Variants in RASAL2 observed in about 807,000 individuals in gnomAD.
RASAL2 encodes RAS protein activator like 2, also known as ras GTPase-activating protein nGAP.
In RASAL2, 58 loss-of-function variants were observed where a neutral mutation model predicts 128.9. The observed-to-expected ratio is 0.45, with a 90% CI of 0.36 to 0.56. RASAL2 has a LOEUF of 0.56. Ranked by LOEUF, RASAL2 falls within the 20% of genes least tolerant of loss-of-function variation. The pLI is 0.00. For synonymous variants in RASAL2, 561 were observed against 580.8 expected, an observed-to-expected ratio of 0.97 and a Z score of 0.49; for missense variants, 1,360 against 1,601.6, an observed-to-expected ratio of 0.85 and a Z score of 2.57.
At position 178,148,112 on chromosome 1, in the gene RASAL2, T is replaced by C. The variant is rs1571545772; in HGVS notation, c.202+53418T>C. Among the ~76,000 whole-genome samples, 4 of 151,668 alleles carry C rather than the reference T, an allele frequency of 2.6e-5. No homozygotes were observed. The East Asian group carries it at 7.7e-4, about 29-fold the overall frequency. Reference sequence around the variant, plus strand: ...TTAAAAAAATAAAATGATTGAGTGATTGAGTTGTTAGGTGACTATAAGCAT... The same window carrying C: ...TTAAAAAAATAAAATGATTGAGTGACTGAGTTGTTAGGTGACTATAAGCAT... On this transcript the variant is annotated intron_variant, in intron 1 of 17. Coordinates refer to ENST00000367649, the MANE Select transcript of RASAL2 (RefSeq NM_170692.4).
At chr1:178,225,359 C>T (rs1663749901) in intron 1 of RASAL2, among the ~76,000 whole-genome samples, 1 of 151,726 alleles carries the variant, frequency 6.6e-6, no homozygotes. Context: ...AAAATAACAA[C>T]ACATTTTTTC....
At chr1:178,426,025 AC>A (rs1352255654) in intron 5 of RASAL2, among the ~76,000 whole-genome samples, 3 of 152,286 alleles carry the variant, frequency 2.0e-5, no homozygotes, top group Middle Eastern at 3.4e-3. Flanking sequence ...AGCCAGACTT[AC>A]CCCTGTCACA....
intron 3 of RASAL2, among the ~76,000 whole-genome samples, chr1:178,322,255 T>C (rs902058854): frequency 6.6e-6 from 1 of 152,200 alleles, no homozygotes; most frequent in African/African-American, 2.4e-5. Flanking sequence ...GCTTATGTCC[T>C]GCCTCACCGT....
At chr1:178,417,332 T>A (rs1289253674) in intron 4 of RASAL2, among the ~76,000 whole-genome samples, 1 of 152,178 alleles carries the variant, frequency 6.6e-6, no homozygotes, top group Non-Finnish European at 1.5e-5. Context: ...CTGTATTAAA[T>A]GGCAAGTTCC....
chr1:178,311,754 A>G (rs1217362367), intron 3 of RASAL2, among the ~76,000 whole-genome samples: 1 of 152,102 alleles, frequency 6.6e-6, no homozygotes, highest in East Asian at 1.9e-4. Flanking sequence ...AAGATCTAAG[A>G]ATACCAACTT....
chr1:178,176,428 A>G (rs316276), intron 1 of RASAL2, among the ~76,000 whole-genome samples: 140,121 of 151,246 alleles, frequency 0.93, 65,290 homozygotes, highest in Non-Finnish European at 0.98. Context: ...TTGCTGATTC[A>G]AGTTGTTTGT....
chr1:178,439,602 A>G lies in RASAL2; in HGVS notation c.828+27A>G, dbSNP rs754318249. The G allele has an allele frequency of 2.6e-5, 41 of 1,603,126 alleles. 1 individual carries two copies. In the Admixed American group the frequency reaches 6.5e-4, roughly 25 times the overall value. On this transcript the variant is annotated intron_variant, in intron 6 of 17. Coordinates refer to ENST00000367649, the MANE Select transcript of RASAL2 (RefSeq NM_170692.4). ...TAAAAATAAAGTGTAGAAAAAAGGA[A>G]GAGTAGTTAAACAACAATTGGATTT...
intron 5 of RASAL2, among the ~76,000 whole-genome samples, chr1:178,437,795 T>C (rs1178874133): frequency 6.6e-6 from 1 of 152,140 alleles, no homozygotes. Context: ...TTATAGTTGA[T>C]GTACTATATT....
chr1:178,261,511 G>C (rs893733597), intron 1 of RASAL2, among the ~76,000 whole-genome samples: 1 of 152,068 alleles, frequency 6.6e-6, no homozygotes, highest in Admixed American at 6.6e-5. Flanking sequence ...ATTTTTATAT[G>C]TGAGTTCAAG....
At chr1:178,201,592 A>G (rs149614061) in intron 1 of RASAL2, among the ~76,000 whole-genome samples, 1 of 152,326 alleles carries the variant, frequency 6.6e-6, no homozygotes, top group African/African-American at 2.4e-5. Context: ...CAGTGGGAAT[A>G]ATTGGATTCC....
chr1:178,222,524 TAAG>T (rs1663648253), intron 1 of RASAL2, among the ~76,000 whole-genome samples: 1 of 152,138 alleles, frequency 6.6e-6, no homozygotes, highest in Admixed American at 6.6e-5. Flanking sequence ...TATCTTATAA[TAAG>T]AAAATATTCC....
intron 1 of RASAL2, among the ~76,000 whole-genome samples, chr1:178,240,606 A>G (rs1402929248): frequency 6.6e-6 from 1 of 152,008 alleles, no homozygotes; most frequent in African/African-American, 2.4e-5. Flanking sequence ...AATAATGTAT[A>G]CATGTGTTGC....
chr1:178,248,202 C>CT (rs1361315447), intron 1 of RASAL2, among the ~76,000 whole-genome samples: 4 of 152,174 alleles, frequency 2.6e-5, no homozygotes, highest in Non-Finnish European at 5.9e-5. Context: ...GTGTGGGAGT[C>CT]TAAGTCTCTT....
intron 3 of RASAL2, among the ~76,000 whole-genome samples, chr1:178,359,992 G>A (rs1671022822): frequency 6.6e-6 from 1 of 152,062 alleles, no homozygotes; most frequent in Non-Finnish European, 1.5e-5. Flanking sequence ...GGGTGTAAGG[G>A]GTGAAGAGTG....
At chr1:178,263,846 A>G (rs1174984019) in intron 1 of RASAL2, among the ~76,000 whole-genome samples, 2 of 152,270 alleles carry the variant, frequency 1.3e-5, no homozygotes, top group Admixed American at 6.5e-5. Context: ...ATATGCCACC[A>G]TGCTGGGCCT....
At chr1:178,142,172 T>G (rs1017598110) in intron 1 of RASAL2, among the ~76,000 whole-genome samples, 1 of 152,096 alleles carries the variant, frequency 6.6e-6, no homozygotes, top group Non-Finnish European at 1.5e-5. Context: ...GTCGCCTGGA[T>G]TTTTGGGTTC....
chr1:178,351,296 A>G (rs1670464910), intron 3 of RASAL2, among the ~76,000 whole-genome samples: 2 of 152,318 alleles, frequency 1.3e-5, no homozygotes, highest in Non-Finnish European at 2.9e-5. Context: ...TCACATTTCA[A>G]AATACAGTCA....
chr1:178,294,374 A>G (rs1322144525), intron 2 of RASAL2, among the ~76,000 whole-genome samples: 2 of 152,184 alleles, frequency 1.3e-5, no homozygotes, highest in Non-Finnish European at 2.9e-5. Context: ...AGGGCTTTAA[A>G]CCTCAGGATG....
chr1:178,225,347 A>G (rs955799876), intron 1 of RASAL2, among the ~76,000 whole-genome samples: 7 of 152,034 alleles, frequency 4.6e-5, no homozygotes, highest in African/African-American at 1.7e-4. Context: ...CTACCCTGAA[A>G]GAAAATAACA....
Sources: allele counts gnomAD v4.1 joint callset (sites outside exome capture counted in the v4.1 genomes callset), GRCh38; gene constraint gnomAD v4.1.1; transcripts MANE v1.5; gene names NCBI Gene and HGNC (gene_info 2026-07-23, HGNC 2026-07-21).